The following PDLIM7 variants were observed in gnomAD, a reference collection of about 807,000 sequenced individuals.
The protein encoded by PDLIM7 is PDZ and LIM domain protein 7.
In PDLIM7, 37 loss-of-function variants were observed where a neutral mutation model predicts 53.9. The observed-to-expected ratio is 0.69, with a 90% CI of 0.53 to 0.90. The LOEUF (loss-of-function observed/expected upper bound fraction) is 0.90. Among genes scored for constraint, PDLIM7 ranks in the 40% least tolerant of loss-of-function variants. The probability of loss-of-function intolerance (pLI) is 0.00; values close to 1 mark genes in which losing one functional copy is unlikely to be tolerated. For synonymous variants in PDLIM7, 300 were observed against 261.3 expected, an observed-to-expected ratio of 1.15 and a Z score of -1.43; for missense variants, 617 against 638.5, an observed-to-expected ratio of 0.97 and a Z score of 0.36.
chr5:177,495,609 G>A (rs1290690393), intron 2 of PDLIM7, among the ~76,000 whole-genome samples: 3 of 152,202 alleles, frequency 2.0e-5, no homozygotes, highest in East Asian at 1.9e-4. Context: ...TGGGGTTCAG[G>A]GGGCCAGGCC....
At chr5:177,491,496 G>A in intron 5 of PDLIM7, 2 of 1,196,278 alleles carry the variant, frequency 1.7e-6, no homozygotes, top group South Asian at 1.3e-5. Context: ...AGACGGGGAG[G>A]GGTCAGAACA....
In PDLIM7 at chr5:177,490,920, G is replaced by T; in HGVS notation, c.536-14C>A. 1 of 1,614,114 alleles carries T rather than the reference G, an allele frequency of 6.2e-7. No homozygotes were observed. The highest frequency in any genetic ancestry group is 8.5e-7 in the Non-Finnish European group (1 of 1,179,990). Reference sequence around the variant, plus strand: ...CCGGGTCTTGCACTGAGAGGGCAGAGGCAGGCATTGACCAAAAAAGACACA... The same window carrying T: ...CCGGGTCTTGCACTGAGAGGGCAGATGCAGGCATTGACCAAAAAAGACACA... On this transcript the variant is annotated splice_polypyrimidine_tract_variant and intron_variant, in intron 6 of 12. Coordinates refer to ENST00000355841, the MANE Select transcript of PDLIM7 (RefSeq NM_005451.5).
intron 10 of PDLIM7, among the ~76,000 whole-genome samples, chr5:177,485,897 G>A (rs950846874): frequency 2.6e-5 from 4 of 152,006 alleles, no homozygotes; most frequent in African/African-American, 9.7e-5. Flanking sequence ...GAGGTGGGAG[G>A]ATCCTCTGAG....
intron 5 of PDLIM7, 64 bp downstream of exon 5, chr5:177,491,743 G>A (rs1420677989): frequency 5.0e-6 from 4 of 799,702 alleles, no homozygotes; most frequent in East Asian, 3.4e-5. Flanking sequence ...GCAGCAGCGG[G>A]CAGCGGGCGT....
chr5:177,492,584 T>C lies in PDLIM7; in HGVS notation c.190A>G (p.Ile64Val). The C allele has an allele frequency of 6.2e-7, 1 of 1,613,758 alleles. No individual in the cohort carries two copies. The highest frequency in any genetic ancestry group is 8.5e-7 in the Non-Finnish European group (1 of 1,179,940). ...DGENAGSLTH[I>V]EAQNKIRACG... ...GCCCGGATCTTGTTCTGAGCTTCGA[T>C]GTGTGTGAGGCTACCCGCATTCTCG... The change falls in exon 3 of 13, where the codon ATC becomes GTC. Residue 64 changes from isoleucine to valine, a missense_variant. Coordinates refer to ENST00000355841, the MANE Select transcript of PDLIM7 (RefSeq NM_005451.5).
At chr5:177,486,379 C>A (rs116782796) in intron 10 of PDLIM7, among the ~76,000 whole-genome samples, 12 of 152,172 alleles carry the variant, frequency 7.9e-5, no homozygotes, top group African/African-American at 2.9e-4. Flanking sequence ...GCAACCGTGC[C>A]GGCCCTAGCA....
chr5:177,491,450 T>C (rs769748401), intron 5 of PDLIM7: 3 of 1,523,194 alleles, frequency 2.0e-6, no homozygotes, highest in Non-Finnish European at 1.8e-6. Flanking sequence ...GACAGACAGA[T>C]AAAGGGACAA....
intron 5 of PDLIM7, chr5:177,491,347 G>A (rs920706760): frequency 3.9e-6 from 6 of 1,544,120 alleles, no homozygotes; most frequent in African/African-American, 1.4e-5. Context: ...GGGAGGGGCC[G>A]CCACCCAGAG....
chr5:177,488,285 C>G (rs1222489640), intron 9 of PDLIM7, 37 bp from the exon 10 acceptor site: 2 of 1,545,108 alleles, frequency 1.3e-6, no homozygotes, highest in Non-Finnish European at 1.7e-6. Flanking sequence ...GGAGCACACG[C>G]AGAGAGGTGG....
intron 10 of PDLIM7, among the ~76,000 whole-genome samples, chr5:177,486,794 C>A (rs1758475755): frequency 1.3e-5 from 2 of 150,784 alleles, no homozygotes; most frequent in African/African-American, 2.4e-5. Flanking sequence ...CCATGCCCGG[C>A]CAATTTTTTT....
intron 10 of PDLIM7, 160 bp downstream of exon 10, chr5:177,487,908 C>T: frequency 1.8e-6 from 1 of 567,772 alleles, no homozygotes; most frequent in Non-Finnish European, 2.9e-6. Flanking sequence ...TAAGAGCATC[C>T]TGACTAATGC....
At chr5:177,490,415 G>A in intron 7 of PDLIM7, 2 of 1,505,590 alleles carry the variant, frequency 1.3e-6, no homozygotes, top group East Asian at 2.5e-5. Flanking sequence ...GTAGGCAGAA[G>A]CTGGAGGCAC....
chr5:177,488,889 C>CAA (rs56297561), intron 9 of PDLIM7, among the ~76,000 whole-genome samples: 2 of 105,974 alleles, frequency 1.9e-5, no homozygotes, highest in Non-Finnish European at 2.0e-5. Flanking sequence ...GACTCTGTTT[C>CAA]AAAAAAAAAA....
At chr5:177,490,732 A>G (rs867013527) in intron 7 of PDLIM7, 138 bp downstream of exon 7, 88 of 762,922 alleles carry the variant, frequency 1.2e-4, no homozygotes, top group Middle Eastern at 1.1e-3. Flanking sequence ...GAAGGAAGGA[A>G]GGAAGGAAGG....
At chr5:177,490,732 AGG>A (rs1561703094) in intron 7 of PDLIM7, 136 bp downstream of exon 7, 6 of 762,820 alleles carry the variant, frequency 7.9e-6, no homozygotes, top group East Asian at 2.7e-5. Context: ...GAAGGAAGGA[AGG>A]AAGGAAGGAA....
chr5:177,491,454 G>C, intron 5 of PDLIM7: 3 of 1,490,548 alleles, frequency 2.0e-6, no homozygotes, highest in Non-Finnish European at 2.7e-6. Flanking sequence ...GACAGATAAA[G>C]GGACAAAGGG....
At chr5:177,491,721 A>C in intron 5 of PDLIM7, 86 bp downstream of exon 5, 1 of 758,940 alleles carries the variant, frequency 1.3e-6, no homozygotes, top group East Asian at 3.3e-5. Flanking sequence ...GCTGGGGCGC[A>C]GCACAGACTG....
intron 7 of PDLIM7, chr5:177,490,493 C>T (rs756185705): frequency 5.2e-6 from 8 of 1,552,958 alleles, no homozygotes; most frequent in African/African-American, 1.4e-5. Context: ...TGGAGAGGGC[C>T]GGGCTACGAC....
chr5:177,489,268 C>CT, intron 9 of PDLIM7, 125 bp downstream of exon 9: 3 of 766,184 alleles, frequency 3.9e-6, no homozygotes, highest in Non-Finnish European at 6.3e-6. Context: ...GTCCCTACTC[C>CT]TACTCCAGCT....
Sources: allele counts gnomAD v4.1 joint callset (sites outside exome capture counted in the v4.1 genomes callset), GRCh38; gene constraint gnomAD v4.1.1; transcripts MANE v1.5; gene names NCBI Gene and HGNC (gene_info 2026-07-23, HGNC 2026-07-21).